NMNAT1: variants seen among roughly 807,000 people sequenced by gnomAD.
The protein encoded by NMNAT1 is nicotinamide nucleotide adenylyltransferase 1.
A neutral mutation model predicts 16.7 loss-of-function variants in NMNAT1; 11 were observed. That is an observed-to-expected ratio of 0.66 (90% confidence interval 0.41 to 1.09). The LOEUF (loss-of-function observed/expected upper bound fraction) is 1.09. NMNAT1 is among the 50% of genes least tolerant of loss of function. NMNAT1 has a pLI of 0.00. For missense variants in NMNAT1, 280 were observed against 332.3 expected (o/e 0.84, Z 1.22); for synonymous variants, 110 against 119.8 (o/e 0.92, Z 0.53).
At chr1:9,987,042 CA>C (rs1389184275), downstream of NMNAT1, among the ~76,000 whole-genome samples, 1 of 151,602 alleles carries the variant, frequency 6.6e-6, no homozygotes, top group Non-Finnish European at 1.5e-5. Flanking sequence ...ACTAAAAATA[CA>C]AAAAATTATA....
intron 1 of NMNAT1, among the ~76,000 whole-genome samples, chr1:9,956,665 C>T (rs1014253508): frequency 6.6e-6 from 1 of 151,728 alleles, no homozygotes; most frequent in Non-Finnish European, 1.5e-5. Flanking sequence ...TCAGGTGATC[C>T]GCCCACCTTG....
Position 9,975,758 on chromosome 1 carries a change from G to A in NMNAT1, c.282G>A (p.Glu94=). ...AAAGTCTTCAGAAGGAGTGGAAAGA[G>A]ACTCTGAAGGTGCTAAGGTATTTAT... ...TWESLQKEWK[E]TLKVLRHHQE... Residue 94 remains glutamate (E), a synonymous_variant, in exon 3 of 5, where the codon GAG becomes GAA. Transcript: ENST00000377205. 1 of 1,613,172 alleles carries A rather than the reference G, an allele frequency of 6.2e-7. No individual in the cohort carries two copies. Among genetic ancestry groups the A allele is most frequent in the East Asian group, 2.2e-5 (1 of 44,868 alleles).
chr1:9,958,947 AACTG>A lies in NMNAT1; in HGVS notation c.-56-13066_-56-13063del, dbSNP rs368232077. Among the ~76,000 whole-genome samples the A allele has an allele frequency of 2.2e-3, 342 of 152,324 alleles. 1 individual carries two copies. The highest frequency in any genetic ancestry group is 0.014 in the Middle Eastern group (4 of 294). On this transcript the variant is annotated intron_variant, in intron 1 of 4. Coordinates refer to ENST00000377205, the MANE Select transcript of NMNAT1 (RefSeq NM_022787.4). ...GGTTCTCCATTTTTTTAAATGAGGA[AACTG>A]ACTGTTAACTGACAAACTGAGAGTT...
At chr1:9,973,199 CT>C in intron 2 of NMNAT1, among the ~76,000 whole-genome samples, 1 of 152,076 alleles carries the variant, frequency 6.6e-6, no homozygotes, top group Non-Finnish European at 1.5e-5. Flanking sequence ...TCACTGCAAC[CT>C]CCACCTCCTG....
At chr1:9,968,558 G>A (rs1641612661) in intron 1 of NMNAT1, among the ~76,000 whole-genome samples, 1 of 148,690 alleles carries the variant, frequency 6.7e-6, no homozygotes, top group African/African-American at 2.4e-5. Flanking sequence ...CTTAAGGTCA[G>A]GAGATCAAGA....
intron 1 of NMNAT1, among the ~76,000 whole-genome samples, chr1:9,969,011 A>G (rs896698500): frequency 6.6e-5 from 10 of 152,018 alleles, no homozygotes; most frequent in Non-Finnish European, 1.5e-4. Context: ...AGGTTGCCCA[A>G]GGTCATGCCG....
rs1216354325 is a variant in NMNAT1 at position 9,983,661 on chromosome 1, A to C, written c.*960A>C. ...ACAGAGCGAGACTCCATCTCAAAAA[A>C]AAAAAAAAGCCTGACAGCTAGCAGG... is the stretch of plus-strand genomic sequence containing the variant. On this transcript the variant is annotated 3_prime_UTR_variant, in exon 5 of 5. Transcript: ENST00000377205. The C allele has an allele frequency of 1.3e-5, 2 of 152,156 alleles. No homozygotes were observed. The highest frequency in any genetic ancestry group is 1.3e-4 in the Admixed American group (2 of 15,222). The allele number at this position is 152,156 out of a possible 1,614,324, so 9.4% of individuals were successfully genotyped here. A position where few individuals can be genotyped will look rare whatever the true frequency, so the allele number is the denominator to read the frequency against.
At chr1:9,964,593 AAGT>A (rs930846385) in intron 1 of NMNAT1, among the ~76,000 whole-genome samples, 9 of 151,864 alleles carry the variant, frequency 5.9e-5, no homozygotes, top group Non-Finnish European at 7.4e-5. Context: ...TGTAAACCAA[AAGT>A]AGCATATAAC....
downstream of NMNAT1, among the ~76,000 whole-genome samples, chr1:9,989,988 T>G (rs1375303049): frequency 6.6e-6 from 1 of 152,146 alleles, no homozygotes; most frequent in African/African-American, 2.4e-5. Flanking sequence ...ATGCTCCGCC[T>G]CCCATAAGGG....
At chr1:9,962,684 T>TG (rs1376175966) in intron 1 of NMNAT1, among the ~76,000 whole-genome samples, 2 of 98,680 alleles carry the variant, frequency 2.0e-5, no homozygotes, top group African/African-American at 3.3e-5. Context: ...AGGGTTTTTT[T>TG]TTTTTTTTTT....
At chr1:9,944,958 G>C (rs1054916018) in intron 1 of NMNAT1, among the ~76,000 whole-genome samples, 2 of 152,232 alleles carry the variant, frequency 1.3e-5, no homozygotes, top group Admixed American at 6.5e-5. Flanking sequence ...AGTCGGCCGG[G>C]TGCAGTGGCT....
the NMNAT1 span, among the ~76,000 whole-genome samples, chr1:9,992,449 G>A: frequency 1.8e-4 from 27 of 152,008 alleles, 1 homozygote; most frequent in Non-Finnish European, 3.2e-4. Context: ...CTGTTGCCCC[G>A]AGAGCAAGCA....
At position 9,982,674 on chromosome 1, in the gene NMNAT1, G is replaced by C. The variant is rs1321405329; in HGVS notation, c.813G>C (p.Gln271His). The part of the protein sequence containing the change: ...RNAGVILAPL[Q>H]RNTAEAKT Reference sequence around the variant, plus strand: ...CTGGGGTCATCCTGGCCCCTTTGCAGAGAAACACTGCAGAAGCTAAGACAT... The same window carrying C: ...CTGGGGTCATCCTGGCCCCTTTGCACAGAAACACTGCAGAAGCTAAGACAT... Residue 271 changes from glutamine to histidine, a missense_variant, in exon 5 of 5, where the codon CAG (glutamine) becomes CAC (histidine). Coordinates refer to ENST00000377205, the MANE Select transcript of NMNAT1 (RefSeq NM_022787.4). 1 of 1,612,358 alleles carries C rather than the reference G, an allele frequency of 6.2e-7. No homozygotes were observed. The highest frequency in any genetic ancestry group is 8.5e-7 in the Non-Finnish European group (1 of 1,179,118).
rs774813024 is a variant in NMNAT1 at position 9,981,101 on chromosome 1, G to A, written c.370G>A (p.Gly124Arg). The stretch of plus-strand genomic sequence containing the variant: ...GAACTCACCTACTCTAGAAAGGCCT[G>A]GAAGGAAGAGGAAGTGGACTGAAAC... ...QQNSPTLERP[G>R]RKRKWTETQD... Residue 124 changes from glycine to arginine, a missense_variant, in exon 4 of 5, where the codon GGA becomes AGA. Coordinates refer to ENST00000377205, the MANE Select transcript of NMNAT1 (RefSeq NM_022787.4). 3 of 1,613,758 alleles carry A rather than the reference G, an allele frequency of 1.9e-6. No individual in the cohort carries two copies. In the African/African-American group the frequency reaches 4.0e-5, roughly 22 times the overall value.
chr1:9,959,051 T>C (rs187738311), intron 1 of NMNAT1, among the ~76,000 whole-genome samples: 1 of 152,306 alleles, frequency 6.6e-6, no homozygotes, highest in Admixed American at 6.5e-5. Flanking sequence ...TCTTTTGAGA[T>C]TACGTGTACG....
chr1:9,956,257 C>T (rs1001816447), intron 1 of NMNAT1, among the ~76,000 whole-genome samples: 1 of 151,144 alleles, frequency 6.6e-6, no homozygotes, highest in Non-Finnish European at 1.5e-5. Context: ...GCAACCTCTG[C>T]CTCCCAGGTT....
chr1:9,992,171 C>T, the NMNAT1 span, among the ~76,000 whole-genome samples: 222 of 151,802 alleles, frequency 1.5e-3, 1 homozygote, highest in African/African-American at 4.5e-3. Flanking sequence ...CAGCCTCGAC[C>T]TCCCAGGTTC....
chr1:9,944,314 C>A (rs914224528), intron 1 of NMNAT1, among the ~76,000 whole-genome samples: 3 of 152,114 alleles, frequency 2.0e-5, no homozygotes, highest in African/African-American at 7.2e-5. Context: ...GTAAACCCAG[C>A]ACTTTGAGAG....
intron 1 of NMNAT1, among the ~76,000 whole-genome samples, chr1:9,951,563 T>C (rs1641111779): frequency 6.6e-6 from 1 of 152,140 alleles, no homozygotes; most frequent in African/African-American, 2.4e-5. Flanking sequence ...GAGCCTTGAC[T>C]TCCTGGGTTC....
Sources: allele counts gnomAD v4.1 joint callset (sites outside exome capture counted in the v4.1 genomes callset), GRCh38; gene constraint gnomAD v4.1.1; transcripts MANE v1.5; gene names NCBI Gene and HGNC (gene_info 2026-07-23, HGNC 2026-07-21).